SUSD4: variants seen among roughly 807,000 people sequenced by gnomAD.
The protein encoded by SUSD4 is sushi domain-containing protein 4.
SUSD4 carries 41 observed loss-of-function variants against 50.5 expected under a neutral mutation model. The observed-to-expected ratio is 0.81, with a 90% CI of 0.63 to 1.05. The LOEUF is 1.05. SUSD4 is among the 50% of genes least tolerant of loss of function. The probability of loss-of-function intolerance (pLI) is 0.00; values close to 1 mark genes in which losing one functional copy is unlikely to be tolerated. For missense variants in SUSD4, 580 were observed against 634.7 expected (o/e 0.91, Z 0.93); for synonymous variants, 257 against 257.3 (o/e 1.00, Z 0.01).
chr1:223,333,636 A>G (rs191494855), intron 2 of SUSD4, among the ~76,000 whole-genome samples: 28 of 152,308 alleles, frequency 1.8e-4, no homozygotes, highest in African/African-American at 6.7e-4. Flanking sequence ...GAACAGAGAA[A>G]GGTTAAGTAG....
At chr1:223,274,191 C>T (rs926627961) in intron 3 of SUSD4, among the ~76,000 whole-genome samples, 1 of 152,202 alleles carries the variant, frequency 6.6e-6, no homozygotes, top group Non-Finnish European at 1.5e-5. Context: ...TCAGAGCACA[C>T]TGTCCCAACC....
chr1:223,226,343 C>G (rs551536331), intron 7 of SUSD4, among the ~76,000 whole-genome samples: 5 of 152,226 alleles, frequency 3.3e-5, no homozygotes, highest in Non-Finnish European at 7.3e-5. Context: ...ACTGACACAC[C>G]TCTGGGCCTG....
intron 2 of SUSD4, among the ~76,000 whole-genome samples, chr1:223,331,914 C>A (rs17163818): frequency 3.3e-5 from 5 of 152,070 alleles, no homozygotes; most frequent in African/African-American, 9.6e-5. Flanking sequence ...CAAACAACAG[C>A]GAGACAAAAC....
chr1:223,301,534 G>A (rs1302895992), intron 2 of SUSD4, among the ~76,000 whole-genome samples: 3 of 152,166 alleles, frequency 2.0e-5, no homozygotes, highest in Non-Finnish European at 4.4e-5. Context: ...ACTTGAAGAA[G>A]TCCCTTCTTG....
chr1:223,321,242 C>T (rs770459621), intron 2 of SUSD4, among the ~76,000 whole-genome samples: 33 of 152,268 alleles, frequency 2.2e-4, no homozygotes, highest in East Asian at 5.8e-4. Flanking sequence ...TGCTTTTCTT[C>T]AGCATTTTGG....
intron 2 of SUSD4, among the ~76,000 whole-genome samples, chr1:223,300,334 TGTGA>T (rs1456619683): frequency 6.6e-6 from 1 of 152,182 alleles, no homozygotes; most frequent in African/African-American, 2.4e-5. Flanking sequence ...CCAAAAACTG[TGTGA>T]GTAACAGGGA....
intron 3 of SUSD4, among the ~76,000 whole-genome samples, chr1:223,286,404 C>T (rs549455462): frequency 6.6e-5 from 10 of 152,330 alleles, no homozygotes; most frequent in South Asian, 2.1e-4. Flanking sequence ...CGCGAGCCAC[C>T]GCACCTGGCC....
intron 2 of SUSD4, among the ~76,000 whole-genome samples, chr1:223,308,115 A>C (rs1665657756): frequency 6.6e-6 from 1 of 152,148 alleles, no homozygotes; most frequent in Non-Finnish European, 1.5e-5. Flanking sequence ...TTTTATAAGA[A>C]TATTCTGAAA....
At chr1:223,264,443 C>G (rs1662336925) in intron 5 of SUSD4, 187 bp downstream of exon 5, 1 of 1,335,920 alleles carries the variant, frequency 7.5e-7, no homozygotes, top group East Asian at 2.7e-5. Flanking sequence ...ATGAGGGAAG[C>G]AAGTTTTACA....
In SUSD4 at chr1:223,235,151, A is replaced by T. The variant is rs566924297; in HGVS notation, c.725-5763T>A. The T allele has an allele frequency of 2.0e-6, 3 of 1,520,748 alleles. No homozygotes were observed. In the South Asian group the frequency reaches 3.9e-5, roughly 20 times the overall value. The allele number at this position is 1,520,748 out of a possible 1,614,324, so 94.2% of individuals were successfully genotyped here. A position where few individuals can be genotyped will look rare whatever the true frequency, so the allele number is the denominator to read the frequency against. ...AAACATAAGAAGACTATTTCTCTTG[A>T]TTGAAAAAAAAAACCTAAAGCCCTT... On this transcript the variant is annotated intron_variant, in intron 5 of 8. Coordinates refer to ENST00000366878, the MANE Select transcript of SUSD4 (RefSeq NM_017982.4).
upstream of SUSD4, among the ~76,000 whole-genome samples, chr1:223,364,741 G>C (rs1328367040): frequency 1.3e-5 from 2 of 151,904 alleles, no homozygotes; most frequent in African/African-American, 4.8e-5. The surrounding 1 kb of genome is among the most constrained non-coding windows in gnomAD (Gnocchi z 4.5). Flanking sequence ...GACCCGGGGC[G>C]AGTGCGCGGC....
intron 3 of SUSD4, among the ~76,000 whole-genome samples, chr1:223,276,902 CATGAGAA>C (rs2103103815): frequency 7.2e-6 from 1 of 138,786 alleles, no homozygotes; most frequent in East Asian, 2.0e-4. Context: ...AGAGAATGCA[CATGAGAA>C]AAAAAAAATC....
At chr1:223,291,009 C>T (rs1014370829) in intron 3 of SUSD4, among the ~76,000 whole-genome samples, 3 of 152,070 alleles carry the variant, frequency 2.0e-5, no homozygotes, top group African/African-American at 7.2e-5. Flanking sequence ...GAAACCACAG[C>T]TTGCATAGGC....
At chr1:223,234,406 C>CTT (rs1331346781) in intron 5 of SUSD4, among the ~76,000 whole-genome samples, 1 of 152,200 alleles carries the variant, frequency 6.6e-6, no homozygotes, top group Non-Finnish European at 1.5e-5. Flanking sequence ...TTCCTGGGCA[C>CTT]TTTGTGCATT....
rs1663423422 is a variant in SUSD4, at chr1:223,278,258, G to A, written c.362-9583C>T. 2.6e-5 allele frequency among the ~76,000 whole-genome samples: 4 copies of A among 152,198 alleles called. No individual in the cohort carries two copies. In the South Asian group the frequency reaches 8.3e-4, roughly 32 times the overall value. ...AGCCCACCGAGTGTGAGCCAAAGCA[G>A]GGCGAGGCATCACCTCACCCAGGAA... On this transcript the variant is annotated intron_variant, in intron 3 of 8. Transcript: ENST00000366878.
intron 2 of SUSD4, among the ~76,000 whole-genome samples, chr1:223,297,857 G>T (rs565587392): frequency 4.3e-4 from 66 of 152,324 alleles, no homozygotes; most frequent in African/African-American, 1.4e-3. Context: ...TGTTGCTAAT[G>T]AAGGATAAAG....
chr1:223,266,331 G>C (rs1662487763), intron 4 of SUSD4, among the ~76,000 whole-genome samples: 1 of 152,304 alleles, frequency 6.6e-6, no homozygotes, highest in Admixed American at 6.5e-5. Flanking sequence ...TTTATGTGGT[G>C]GGGAGGAGGT....
chr1:223,314,539 C>T (rs963834945), intron 2 of SUSD4, among the ~76,000 whole-genome samples: 1 of 152,072 alleles, frequency 6.6e-6, no homozygotes, highest in Non-Finnish European at 1.5e-5. Flanking sequence ...TGGCTGTGTC[C>T]CCATCCAAAT....
intron 2 of SUSD4, among the ~76,000 whole-genome samples, chr1:223,349,745 TCTC>T (rs1668252695): frequency 6.6e-6 from 1 of 152,138 alleles, no homozygotes; most frequent in Admixed American, 6.5e-5. Context: ...TCCGGCATCA[TCTC>T]CTCCTGGAAG....
Sources: gnomAD v4.1 joint callset for allele counts (sites outside exome capture counted in the v4.1 genomes callset) on GRCh38, gnomAD v4.1.1 for gene constraint, Gnocchi (gnomAD v3.1) non-coding constraint, MANE v1.5 for transcripts, NCBI Gene and HGNC (gene_info 2026-07-23, HGNC 2026-07-21) for gene names.